The following GNAZ variants were observed in gnomAD, a reference collection of about 807,000 sequenced individuals.
GNAZ encodes the protein guanine nucleotide-binding protein G(z) subunit alpha.
A neutral mutation model predicts 25.4 loss-of-function variants in GNAZ; 3 were observed. That is an observed-to-expected ratio of 0.12 (90% CI 0.05 to 0.30). The LOEUF is 0.30. Among genes scored for constraint, GNAZ ranks in the 10% least tolerant of loss-of-function variants. The pLI is 1.00. For synonymous variants in GNAZ, 211 were observed against 205.7 expected (o/e 1.03, Z -0.22); for missense variants, 241 against 501.8 (o/e 0.48, Z 4.97).
chr22:23,072,265 A>G (rs1210008466), intron 1 of GNAZ, among the ~76,000 whole-genome samples: 1 of 152,100 alleles, frequency 6.6e-6, no homozygotes, highest in Non-Finnish European at 1.5e-5. Context: ...TGAGAGCAGT[A>G]ATCGTGGCAG....
intron 2 of GNAZ, among the ~76,000 whole-genome samples, chr22:23,121,056 C>CT (rs1280707975): frequency 6.6e-6 from 1 of 152,138 alleles, no homozygotes; most frequent in African/African-American, 2.4e-5. Flanking sequence ...TGTGACATTC[C>CT]TAGACCACCA....
intron 2 of GNAZ, among the ~76,000 whole-genome samples, chr22:23,100,923 T>C (rs1309958303): frequency 2.6e-5 from 4 of 152,222 alleles, no homozygotes; most frequent in Admixed American, 2.6e-4. Context: ...ACCCTAGCGC[T>C]GTGGTTTATC....
Position 23,071,677 on chromosome 22 carries a change from T to C in GNAZ, c.-450+1107T>C, listed in dbSNP as rs532888300. On this transcript the variant is annotated intron_variant, in intron 1 of 2. Coordinates refer to ENST00000615612, the MANE Select transcript of GNAZ (RefSeq NM_002073.4). This position sits in a 1 kb window ranked among gnomAD's most constrained non-coding sequence, Gnocchi z 4.1. ...ACCACCGCATAGGGGAAAACGTCTC[T>C]ACTCGACCAACCCCGCTTGAGTGCA... 6.6e-6 allele frequency among the ~76,000 whole-genome samples: 1 copy of C among 152,308 alleles called. No individual in the cohort carries two copies. Among genetic ancestry groups the C allele is most frequent in the Admixed American group, 6.5e-5 (1 of 15,296 alleles).
In GNAZ at chr22:23,078,996, G is replaced by A. The variant is rs147408534; in HGVS notation, c.-450+8426G>A. Among the ~76,000 whole-genome samples, 1,042 of 152,262 alleles carry A rather than the reference G, an allele frequency of 6.8e-3. 7 individuals carry two copies. The highest frequency in any genetic ancestry group is 0.024 in the African/African-American group (992 of 41,550). On this transcript the variant is annotated intron_variant, in intron 1 of 2. Coordinates refer to ENST00000615612, the MANE Select transcript of GNAZ (RefSeq NM_002073.4). ...CCAGAAGTCCCCAACTATCCCCTCCGTGAGCCACGTTGACCGATTCCTCAC... is the reference window on the plus strand; with the variant it reads ...CCAGAAGTCCCCAACTATCCCCTCCATGAGCCACGTTGACCGATTCCTCAC...
chr22:23,076,325 C>T (rs925317067), intron 1 of GNAZ, among the ~76,000 whole-genome samples: 1 of 152,192 alleles, frequency 6.6e-6, no homozygotes, highest in Admixed American at 6.5e-5. Context: ...CATTGAGAAT[C>T]GCCACCCAGG....
In GNAZ at chr22:23,071,927, C is replaced by T. The variant is rs868337844; in HGVS notation, c.-450+1357C>T. Among the ~76,000 whole-genome samples the T allele has an allele frequency of 1.8e-4, 28 of 152,214 alleles. No individual in the cohort carries two copies. The highest frequency in any genetic ancestry group is 3.4e-3 in the Middle Eastern group (1 of 294). ...TAGGAGGAGGTATGGCGGGAAAGGC[C>T]GGTGGGGGCTGCACGGGGCTGAGGG... is the stretch of plus-strand genomic sequence containing the variant. On this transcript the variant is annotated intron_variant, in intron 1 of 2. Coordinates refer to ENST00000615612, the MANE Select transcript of GNAZ (RefSeq NM_002073.4). This position sits in a 1 kb window ranked among gnomAD's most constrained non-coding sequence, Gnocchi z 4.1.
At chr22:23,104,117 G>A (rs559418023) in intron 2 of GNAZ, among the ~76,000 whole-genome samples, 10 of 152,142 alleles carry the variant, frequency 6.6e-5, no homozygotes, top group Admixed American at 6.5e-4. Flanking sequence ...TGGGGGAGCA[G>A]TGGGGACAGT....
At position 23,109,398 on chromosome 22, in the gene GNAZ, T is replaced by C. The variant is rs531948051; in HGVS notation, c.723+12980T>C. ...CCTGCCTTGTTAAGGGATCAGCTGC[T>C]GCTCCTCTCAGGTCTTTTTGGGAGT... On this transcript the variant is annotated intron_variant, in intron 2 of 2. Coordinates refer to ENST00000615612, the MANE Select transcript of GNAZ (RefSeq NM_002073.4). 3.3e-5 allele frequency among the ~76,000 whole-genome samples: 5 copies of C among 152,290 alleles called. No homozygotes were observed. The South Asian group carries it at 6.2e-4, about 19-fold the overall frequency.
At position 23,096,076 on chromosome 22, in the gene GNAZ, C is replaced by T; in HGVS notation, c.381C>T (p.Val127=). The T allele has an allele frequency of 6.2e-7, 1 of 1,608,676 alleles. No individual in the cohort carries two copies. The change falls in exon 2 of 3, where the codon GTC becomes GTT. Residue 127 remains valine (V), a synonymous_variant. Transcript: ENST00000615612. The part of the protein sequence containing the change: ...KGEITPELLG[V]MRRLWADPGA... ...AGATCACACCCGAGCTGCTGGGTGT[C>T]ATGCGACGGCTCTGGGCCGACCCAG...
At chr22:23,089,666 C>T (rs539050025) in intron 1 of GNAZ, among the ~76,000 whole-genome samples, 6 of 152,228 alleles carry the variant, frequency 3.9e-5, no homozygotes, top group African/African-American at 1.2e-4. Flanking sequence ...GAGGGCAGGC[C>T]GGGCCTGCTG....
intron 1 of GNAZ, among the ~76,000 whole-genome samples, chr22:23,076,440 C>T (rs1288067953): frequency 1.3e-5 from 2 of 152,208 alleles, no homozygotes; most frequent in African/African-American, 2.4e-5. Context: ...CGCTGCAGAA[C>T]CCCTGCTCCA....
At chr22:23,092,502 C>T (rs1261125611) in intron 1 of GNAZ, among the ~76,000 whole-genome samples, 1 of 152,162 alleles carries the variant, frequency 6.6e-6, no homozygotes, top group East Asian at 1.9e-4. Flanking sequence ...AGGGGACCTC[C>T]CCTTGGTTGT....
At position 23,124,671 on chromosome 22, in the gene GNAZ, G is replaced by A. The variant is rs1040365339; in HGVS notation, c.*1240G>A. ...GGTGCCCCTGGTCCCAGCATGCCCCGCGCCTGAGACTGGCTGGAAATGCTC... is the reference window on the plus strand; with the variant it reads ...GGTGCCCCTGGTCCCAGCATGCCCCACGCCTGAGACTGGCTGGAAATGCTC... On this transcript the variant is annotated 3_prime_UTR_variant, in exon 3 of 3. Coordinates refer to ENST00000615612, the MANE Select transcript of GNAZ (RefSeq NM_002073.4). The A allele has an allele frequency of 3.0e-5, 6 of 201,564 alleles. No individual in the cohort carries two copies. The highest frequency in any genetic ancestry group is 9.5e-5 in the African/African-American group (4 of 42,162). 12.5% of individuals were successfully genotyped at this position (201,564 alleles called of 1,614,324 possible). A position where few individuals can be genotyped will look rare whatever the true frequency, so the allele number is the denominator to read the frequency against.
intron 1 of GNAZ, among the ~76,000 whole-genome samples, chr22:23,078,784 C>T (rs1402692169): frequency 6.6e-6 from 1 of 152,192 alleles, no homozygotes; most frequent in African/African-American, 2.4e-5. Flanking sequence ...GGGGTGGGAG[C>T]ACACTTGCAG....
At position 23,095,956 on chromosome 22, in the gene GNAZ, C is replaced by T; in HGVS notation, c.261C>T (p.Ala87=). The change falls in exon 2 of 3, where the codon GCC becomes GCT. Residue 87 remains alanine (A), a synonymous_variant. Coordinates refer to ENST00000615612, the MANE Select transcript of GNAZ (RefSeq NM_002073.4). ...ACTCGCTGACCCGCATCATCCGGGC[C>T]CTGGCCGCCCTCAGGATCGACTTCC... ...AIDSLTRIIR[A]LAALRIDFHN... is the part of the protein sequence containing the mutation. 1 of 1,612,358 alleles carries T rather than the reference C, an allele frequency of 6.2e-7. No individual in the cohort carries two copies.
At chr22:23,099,973 G>T (rs2069247431) in intron 2 of GNAZ, among the ~76,000 whole-genome samples, 1 of 152,272 alleles carries the variant, frequency 6.6e-6, no homozygotes. Flanking sequence ...CCTTCAGAAG[G>T]CAAGATTAAA....
intron 2 of GNAZ, among the ~76,000 whole-genome samples, chr22:23,120,838 T>C (rs117153927): frequency 3.4e-3 from 514 of 152,312 alleles, no homozygotes; most frequent in Middle Eastern, 0.017. Context: ...TGATGTGGAC[T>C]CAGGGCGCGC....
chr22:23,090,829 C>G (rs1208886432), intron 1 of GNAZ, among the ~76,000 whole-genome samples: 2 of 152,190 alleles, frequency 1.3e-5, no homozygotes, highest in Admixed American at 1.3e-4. Flanking sequence ...TATTTACTGC[C>G]TGTAGTCTGA....
chr22:23,079,478 C>A (rs942819385), intron 1 of GNAZ, among the ~76,000 whole-genome samples: 2 of 152,034 alleles, frequency 1.3e-5, no homozygotes, highest in African/African-American at 2.4e-5. Context: ...GGAGCATGGG[C>A]GTGGGAGTCA....
Sources: allele counts gnomAD v4.1 joint callset (sites outside exome capture counted in the v4.1 genomes callset), GRCh38; gene constraint gnomAD v4.1.1; non-coding constraint Gnocchi (gnomAD v3.1); transcripts MANE v1.5; gene names NCBI Gene and HGNC (gene_info 2026-07-23, HGNC 2026-07-21).